Variants in RAPGEF4 observed in about 807,000 individuals in gnomAD.
RAPGEF4 encodes the protein Rap guanine nucleotide exchange factor 4, also known as RAP guanine-nucleotide-exchange factor (GEF) 4.
Under a neutral mutation model 147.9 loss-of-function variants are expected in RAPGEF4, and 66 were observed. That is an observed-to-expected ratio of 0.45 (90% CI 0.37 to 0.55). The LOEUF (loss-of-function observed/expected upper bound fraction) is 0.55, where lower values mean the gene tolerates loss of function less well. Ranked by LOEUF, RAPGEF4 falls within the 20% of genes least tolerant of loss-of-function variation. The probability of loss-of-function intolerance (pLI) is 0.00; values close to 1 mark genes in which losing one functional copy is unlikely to be tolerated. For missense variants in RAPGEF4, 1,071 were observed against 1,257.3 expected (o/e 0.85, Z 2.24); for synonymous variants, 419 against 442.7 (o/e 0.95, Z 0.67).
At chr2:172,911,546 C>T (rs1254359261) in intron 4 of RAPGEF4, among the ~76,000 whole-genome samples, 3 of 152,074 alleles carry the variant, frequency 2.0e-5, no homozygotes, top group Admixed American at 6.5e-5. Flanking sequence ...GTAACCTCCA[C>T]CTCCCGGGTT....
chr2:172,855,952 T>C (rs1693374551), intron 4 of RAPGEF4, among the ~76,000 whole-genome samples: 1 of 152,156 alleles, frequency 6.6e-6, no homozygotes, highest in South Asian at 2.1e-4. Context: ...TTTTGTTTTT[T>C]ATTAATCTGG....
chr2:172,754,448 A>G (rs1695577106), intron 1 of RAPGEF4, among the ~76,000 whole-genome samples: 1 of 152,248 alleles, frequency 6.6e-6, no homozygotes, highest in East Asian at 1.9e-4. Context: ...CTATAGAACT[A>G]AAATTAGTTA....
At chr2:172,987,612 A>G (rs538531797) in intron 12 of RAPGEF4, among the ~76,000 whole-genome samples, 2 of 152,324 alleles carry the variant, frequency 1.3e-5, no homozygotes, top group Non-Finnish European at 2.9e-5. Context: ...AACTATTTAC[A>G]TAGGATTTAC....
chr2:172,810,109 A>T (rs1272545582), intron 3 of RAPGEF4, among the ~76,000 whole-genome samples: 1 of 152,210 alleles, frequency 6.6e-6, no homozygotes, highest in African/African-American at 2.4e-5. Flanking sequence ...AGGTACTTAT[A>T]CTTACTAGGA....
At chr2:172,963,463 C>T (rs889896420) in intron 8 of RAPGEF4, among the ~76,000 whole-genome samples, 2 of 152,104 alleles carry the variant, frequency 1.3e-5, no homozygotes, top group Admixed American at 6.5e-5. Flanking sequence ...TGTGATTGTG[C>T]TTTGCCAAGT....
intron 17 of RAPGEF4, among the ~76,000 whole-genome samples, chr2:173,003,695 CTTT>C (rs539499270): frequency 1.1e-4 from 8 of 71,446 alleles, no homozygotes; most frequent in African/African-American, 3.9e-4. Flanking sequence ...TGGAGTTTGC[CTTT>C]TTTTTTTCTC....
chr2:172,759,305 A>G (rs2149461835), intron 1 of RAPGEF4, among the ~76,000 whole-genome samples: 1 of 152,340 alleles, frequency 6.6e-6, no homozygotes, highest in East Asian at 1.9e-4. Flanking sequence ...GTGCAGGGCA[A>G]ATGCATAGCC....
intron 1 of RAPGEF4, among the ~76,000 whole-genome samples, chr2:172,762,336 T>C (rs1696427094): frequency 6.6e-6 from 1 of 152,162 alleles, no homozygotes; most frequent in Non-Finnish European, 1.5e-5. Flanking sequence ...CTTCCTGAGA[T>C]ATAGACTGCC....
chr2:173,011,888 C>A (rs1695063383), intron 17 of RAPGEF4, among the ~76,000 whole-genome samples: 1 of 151,512 alleles, frequency 6.6e-6, no homozygotes, highest in Non-Finnish European at 1.5e-5. Flanking sequence ...CTTAATTGTC[C>A]TATCTTGGGG....
chr2:172,852,208 A>T (rs1692924309), intron 4 of RAPGEF4, among the ~76,000 whole-genome samples: 1 of 152,212 alleles, frequency 6.6e-6, no homozygotes, highest in Non-Finnish European at 1.5e-5. Context: ...AATGTCAGTG[A>T]GGACTGGTCA....
At chr2:173,044,361 AG>A (rs1178010884) in intron 29 of RAPGEF4, among the ~76,000 whole-genome samples, 2 of 152,202 alleles carry the variant, frequency 1.3e-5, no homozygotes, top group Non-Finnish European at 2.9e-5. Flanking sequence ...CTACATCAGC[AG>A]GGTGGTGACC....
chr2:173,010,196 T>C (rs2105861589), intron 17 of RAPGEF4, among the ~76,000 whole-genome samples: 1 of 152,354 alleles, frequency 6.6e-6, no homozygotes, highest in South Asian at 2.1e-4. Flanking sequence ...TGAAATCAAC[T>C]CAAATGTGTC....
chr2:172,790,430 G>A (rs1389323152), intron 1 of RAPGEF4, among the ~76,000 whole-genome samples: 1 of 152,164 alleles, frequency 6.6e-6, no homozygotes, highest in African/African-American at 2.4e-5. Context: ...CCAGGCTAAA[G>A]AAAATCAATT....
upstream of RAPGEF4, chr2:172,735,742 G>A (rs540901252): frequency 2.9e-3 from 390 of 135,114 alleles, 2 homozygotes; most frequent in African/African-American, 0.012. Context: ...GCAGTGCAGC[G>A]GCGGGCGGGC....
intron 1 of RAPGEF4, among the ~76,000 whole-genome samples, chr2:172,736,954 A>G (rs1439815449): frequency 6.6e-6 from 1 of 152,248 alleles, no homozygotes; most frequent in Non-Finnish European, 1.5e-5. Flanking sequence ...TCTGCATGAC[A>G]TCTCTATTTG....
At chr2:172,758,746 G>A (rs1367585544) in intron 1 of RAPGEF4, among the ~76,000 whole-genome samples, 1 of 152,142 alleles carries the variant, frequency 6.6e-6, no homozygotes, top group Non-Finnish European at 1.5e-5. Flanking sequence ...TAGATAAGAG[G>A]GGGAGTTCAA....
chr2:172,813,878 T>C (rs1038548168), intron 3 of RAPGEF4, among the ~76,000 whole-genome samples: 2 of 152,128 alleles, frequency 1.3e-5, no homozygotes, highest in African/African-American at 4.8e-5. Flanking sequence ...AAACTACTCA[T>C]GAATAAAAGG....
intron 4 of RAPGEF4, among the ~76,000 whole-genome samples, chr2:172,856,560 A>G (rs746111670): frequency 5.9e-5 from 9 of 152,164 alleles, no homozygotes; most frequent in Non-Finnish European, 1.0e-4. Flanking sequence ...TTTAAAGAGT[A>G]TTGATTTTCT....
At chr2:172,775,110 G>T (rs1684030741) in intron 1 of RAPGEF4, among the ~76,000 whole-genome samples, 1 of 152,070 alleles carries the variant, frequency 6.6e-6, no homozygotes, top group African/African-American at 2.4e-5. Context: ...AATCTCCCAG[G>T]CCAGAGCTAT....
Sources: gnomAD v4.1 joint callset for allele counts (sites outside exome capture counted in the v4.1 genomes callset) on GRCh38, gnomAD v4.1.1 for gene constraint, MANE v1.5 for transcripts, NCBI Gene and HGNC (gene_info 2026-07-23, HGNC 2026-07-21) for gene names.